Variants in ZBTB7C observed in about 807,000 individuals in gnomAD.
ZBTB7C encodes zinc finger and BTB domain-containing protein 7C.
ZBTB7C carries 8 observed loss-of-function variants against 25.7 expected under a neutral mutation model. The ratio of observed to expected loss-of-function variants is 0.31; its 90% CI spans 0.18 to 0.56. ZBTB7C has a LOEUF of 0.56. Among genes scored for constraint, ZBTB7C ranks in the 20% least tolerant of loss-of-function variants. ZBTB7C has a pLI of 0.91. For synonymous variants in ZBTB7C, 394 were observed against 369.0 expected (o/e 1.07, Z -0.78); for missense variants, 824 against 855.2 (o/e 0.96, Z 0.46).
At chr18:48,296,992 G>C (rs971802539) in intron 2 of ZBTB7C, among the ~76,000 whole-genome samples, 1 of 152,192 alleles carries the variant, frequency 6.6e-6, no homozygotes, top group Non-Finnish European at 1.5e-5. Context: ...AGTCCCAGCT[G>C]AGAATCTAAC....
intron 2 of ZBTB7C, among the ~76,000 whole-genome samples, chr18:48,331,330 T>G (rs1411804690): frequency 6.6e-6 from 1 of 152,142 alleles, no homozygotes; most frequent in Non-Finnish European, 1.5e-5. Flanking sequence ...TACAAAGCCA[T>G]GTCACATTCT....
chr18:48,228,751 A>T (rs867297704), intron 2 of ZBTB7C, among the ~76,000 whole-genome samples: 30 of 141,194 alleles, frequency 2.1e-4, no homozygotes, highest in African/African-American at 7.3e-4. Context: ...TCTCTCTCAC[A>T]CACACACACA....
chr18:48,047,337 C>CA (rs2036515163), intron 3 of ZBTB7C, among the ~76,000 whole-genome samples: 3 of 150,348 alleles, frequency 2.0e-5, no homozygotes, highest in African/African-American at 7.3e-5. Flanking sequence ...GAAAAAAATT[C>CA]CACACACACA....
chr18:48,220,697 T>C (rs577947427), intron 2 of ZBTB7C, among the ~76,000 whole-genome samples: 1 of 152,294 alleles, frequency 6.6e-6, no homozygotes, highest in Admixed American at 6.5e-5. Context: ...TAAAGACGGT[T>C]AAAACTTCTT....
At position 48,409,329 on chromosome 18, in the gene ZBTB7C, C is replaced by A. The variant is rs1416282187; in HGVS notation, c.-407G>T. On this transcript the variant is annotated 5_prime_UTR_variant, in exon 1 of 5. Transcript: ENST00000590800. The stretch of plus-strand genomic sequence containing the variant: ...GTCCGCCGGTCCCTGCGCGCCCGAG[C>A]CTCGCCGGCCGCGCCGCTGTCAGAG... 1 of 149,186 alleles carries A rather than the reference C, an allele frequency of 6.7e-6. No individual in the cohort carries two copies. Among genetic ancestry groups the A allele is most frequent in the East Asian group, 2.0e-4 (1 of 5,114 alleles). The allele number at this position is 149,186 out of a possible 1,614,324, so 9.2% of individuals were successfully genotyped here. A position where few individuals can be genotyped will look rare whatever the true frequency, so the allele number is the denominator to read the frequency against.
chr18:48,042,751 A>G (rs1363971771), intron 3 of ZBTB7C, among the ~76,000 whole-genome samples: 2 of 145,502 alleles, frequency 1.4e-5, no homozygotes, highest in African/African-American at 5.4e-5. Context: ...CCACCTTCTC[A>G]TCTTTAAAAG....
intron 2 of ZBTB7C, among the ~76,000 whole-genome samples, chr18:48,191,090 T>C (rs1367943229): frequency 6.6e-6 from 1 of 152,076 alleles, no homozygotes. Flanking sequence ...AGAGCGGAAG[T>C]CAGGTTCCCA....
rs117867381 is a variant in ZBTB7C, at chr18:48,104,451, C to T, written c.-16-63328G>A. Among the ~76,000 whole-genome samples, 1,318 of 152,248 alleles carry T rather than the reference C, an allele frequency of 8.7e-3. 15 individuals are homozygous for T. The highest frequency in any genetic ancestry group is 0.011 in the Non-Finnish European group (755 of 68,022). ...TTGTAGAACTATGAGCTAAATCAAC[C>T]TCTTTTCTTTATAAATTGTCTAGCT... is the stretch of plus-strand genomic sequence containing the variant. On this transcript the variant is annotated intron_variant, in intron 3 of 4. Transcript: ENST00000590800.
intron 3 of ZBTB7C, among the ~76,000 whole-genome samples, chr18:48,094,129 G>A: frequency 6.6e-6 from 1 of 152,178 alleles, no homozygotes; most frequent in Non-Finnish European, 1.5e-5. Context: ...AATTTAAATG[G>A]CCATTGCACT....
At chr18:48,270,689 CAAAA>C (rs35344797) in intron 2 of ZBTB7C, among the ~76,000 whole-genome samples, 1 of 88,278 alleles carries the variant, frequency 1.1e-5, no homozygotes, top group African/African-American at 4.4e-5. Context: ...GACTCTGTCT[CAAAA>C]AAAAAAAAAA....
At chr18:48,223,769 C>T in intron 2 of ZBTB7C, among the ~76,000 whole-genome samples, 1 of 152,200 alleles carries the variant, frequency 6.6e-6, no homozygotes, top group East Asian at 1.9e-4. Context: ...ACTGCCAGCC[C>T]ATCCAAACAA....
intron 2 of ZBTB7C, among the ~76,000 whole-genome samples, chr18:48,255,705 C>T (rs1197176708): frequency 6.6e-6 from 1 of 152,184 alleles, no homozygotes; most frequent in Admixed American, 6.5e-5. Flanking sequence ...TAAAGCCAAC[C>T]TCCCCAGCTC....
chr18:48,029,023 CAGGG>C lies in ZBTB7C; in HGVS notation c.*233_*236del, dbSNP rs1018124774. 2.5e-5 allele frequency: 14 copies of C among 550,688 alleles called. No individual in the cohort carries two copies. Among genetic ancestry groups the C allele is most frequent in the African/African-American group, 2.4e-4 (12 of 49,126 alleles). The allele number at this position is 550,688 out of a possible 1,614,324, so 34.1% of individuals were successfully genotyped here. A position where few individuals can be genotyped will look rare whatever the true frequency, so the allele number is the denominator to read the frequency against. On this transcript the variant is annotated 3_prime_UTR_variant, in exon 5 of 5. Coordinates refer to ENST00000590800, the MANE Select transcript of ZBTB7C (RefSeq NM_001318841.2). Reference sequence around the variant, plus strand: ...AGTTTCTATATGAGAGCCAGAGAGACAGGGAGGGAGGCCCGGGCTCCTGGCCTTT... The same window carrying C: ...AGTTTCTATATGAGAGCCAGAGAGACAGGGAGGCCCGGGCTCCTGGCCTTT...
At chr18:48,137,815 C>T (rs765854872) in intron 3 of ZBTB7C, among the ~76,000 whole-genome samples, 3 of 152,224 alleles carry the variant, frequency 2.0e-5, no homozygotes, top group Non-Finnish European at 4.4e-5. Context: ...GAGATTCCGG[C>T]AGTCCACACT....
At chr18:48,337,031 C>T (rs181185471) in intron 2 of ZBTB7C, among the ~76,000 whole-genome samples, 12 of 152,338 alleles carry the variant, frequency 7.9e-5, no homozygotes, top group African/African-American at 2.9e-4. Flanking sequence ...CCACCTAGCA[C>T]CTTTGGTTGA....
At chr18:48,390,547 G>A (rs1374792443) in intron 1 of ZBTB7C, among the ~76,000 whole-genome samples, 1 of 152,214 alleles carries the variant, frequency 6.6e-6, no homozygotes, top group Non-Finnish European at 1.5e-5. Context: ...AACACTTGGA[G>A]CCCAATTTTT....
At chr18:48,323,162 C>T (rs758799009) in intron 2 of ZBTB7C, among the ~76,000 whole-genome samples, 9 of 152,070 alleles carry the variant, frequency 5.9e-5, no homozygotes, top group African/African-American at 2.2e-4. Context: ...TAACCAACCA[C>T]CTGTTCCCCA....
At chr18:48,248,240 G>A (rs952371476) in intron 2 of ZBTB7C, among the ~76,000 whole-genome samples, 1 of 152,038 alleles carries the variant, frequency 6.6e-6, no homozygotes, top group African/African-American at 2.4e-5. Context: ...CTTCCACCAT[G>A]ATTGTAATTT....
At chr18:48,360,400 T>G (rs1051267411) in intron 1 of ZBTB7C, among the ~76,000 whole-genome samples, 1 of 152,080 alleles carries the variant, frequency 6.6e-6, no homozygotes, top group Non-Finnish European at 1.5e-5. Context: ...CATGGGGGAT[T>G]TTAGGGGAAA....
Sources: allele counts gnomAD v4.1 joint callset (sites outside exome capture counted in the v4.1 genomes callset), GRCh38; gene constraint gnomAD v4.1.1; transcripts MANE v1.5; gene names NCBI Gene and HGNC (gene_info 2026-07-23, HGNC 2026-07-21).